The following SMAGP variants were observed in gnomAD, a reference collection of about 807,000 sequenced individuals.
SMAGP encodes the protein small cell adhesion glycoprotein.
Under a neutral mutation model 10.1 loss-of-function variants are expected in SMAGP, and 7 were observed. The ratio of observed to expected loss-of-function variants is 0.70; its 90% CI spans 0.40 to 1.31. The LOEUF (loss-of-function observed/expected upper bound fraction) is 1.31, where lower values mean the gene tolerates loss of function less well. Ranked by LOEUF, SMAGP falls within the 50% of genes most tolerant of loss-of-function variation. The pLI, the probability that SMAGP is intolerant of heterozygous loss-of-function variation, is 0.01. For missense variants in SMAGP, 113 were observed against 116.5 expected, an observed-to-expected ratio of 0.97 and a Z score of 0.14; for synonymous variants, 49 against 47.2, an observed-to-expected ratio of 1.04 and a Z score of -0.16.
In SMAGP at chr12:51,264,752, T is replaced by C. The variant is rs529960983; in HGVS notation, c.34+4493A>G. Among the ~76,000 whole-genome samples the C allele has an allele frequency of 8.0e-4, 121 of 150,568 alleles. No homozygotes were observed. In the South Asian group the frequency reaches 0.012, roughly 15 times the overall value. On this transcript the variant is annotated intron_variant, in intron 2 of 3. Transcript: ENST00000603798. ...TTTGAGACCAGCCTGGGCAACATGG[T>C]GAAACCCCGTCTCTACTAAAATACA...
At chr12:51,254,493 G>C (rs898268844) in intron 2 of SMAGP, among the ~76,000 whole-genome samples, 1 of 152,110 alleles carries the variant, frequency 6.6e-6, no homozygotes, top group Non-Finnish European at 1.5e-5. Context: ...GCTGCAGTGA[G>C]CCGAGATTGC....
intron 2 of SMAGP, among the ~76,000 whole-genome samples, chr12:51,261,932 TAAAA>T (rs142814908): frequency 8.9e-5 from 13 of 146,080 alleles, no homozygotes; most frequent in Admixed American, 1.4e-4. Flanking sequence ...CATCTTTGTT[TAAAA>T]AAAAAAAAAA....
intron 2 of SMAGP, among the ~76,000 whole-genome samples, chr12:51,248,430 ACACACTCTCTCTCTCTCTCTCTCTCT>A (rs1229889541): frequency 2.3e-4 from 21 of 91,480 alleles, no homozygotes; most frequent in Non-Finnish European, 2.9e-4. Context: ...ACACACACAC[ACACACTCTCTCTCTCTCTCTCTCTCT>A]CTCTCTCTCT....
chr12:51,262,663 C>A (rs546819625), intron 2 of SMAGP, among the ~76,000 whole-genome samples: 2 of 152,156 alleles, frequency 1.3e-5, no homozygotes, highest in Non-Finnish European at 2.9e-5. Context: ...TGCTCAGGTT[C>A]ATAAGATTGA....
chr12:51,254,334 G>A (rs142164326), intron 2 of SMAGP, among the ~76,000 whole-genome samples: 1,754 of 152,192 alleles, frequency 0.012, 6 homozygotes, highest in Non-Finnish European at 0.018. Context: ...GGATCATGAG[G>A]TCAGGAGTTT....
At position 51,245,194 on chromosome 12, in the gene SMAGP, C is replaced by T. The variant is rs1944750259; in HGVS notation, c.*747G>A. The T allele has an allele frequency of 6.6e-6, 1 of 152,108 alleles. No homozygotes were observed. Among genetic ancestry groups the T allele is most frequent in the African/African-American group, 2.4e-5 (1 of 41,410 alleles). The allele number at this position is 152,108 out of a possible 1,614,324, so 9.4% of individuals were successfully genotyped here. ...TTCCTGCACCATCTTTGTCTCAAATCCCTGAGATAGTTCTGCAAACTTCTA... is the reference window on the plus strand; with the variant it reads ...TTCCTGCACCATCTTTGTCTCAAATTCCTGAGATAGTTCTGCAAACTTCTA... On this transcript the variant is annotated 3_prime_UTR_variant, in exon 4 of 4. Coordinates refer to ENST00000603798, the MANE Select transcript of SMAGP (RefSeq NM_001031628.2).
chr12:51,254,689 G>A (rs923641333), intron 2 of SMAGP, among the ~76,000 whole-genome samples: 3 of 152,252 alleles, frequency 2.0e-5, no homozygotes, highest in Admixed American at 1.3e-4. Flanking sequence ...AAGGTTGTCA[G>A]GGGAAGCTTT....
intron 2 of SMAGP, among the ~76,000 whole-genome samples, chr12:51,263,111 G>T (rs1473232353): frequency 6.6e-6 from 1 of 152,030 alleles, no homozygotes; most frequent in Non-Finnish European, 1.5e-5. Flanking sequence ...AAAATTTAAC[G>T]GTGACTCATG....
At chr12:51,258,661 C>T (rs1944906163) in intron 2 of SMAGP, among the ~76,000 whole-genome samples, 1 of 151,516 alleles carries the variant, frequency 6.6e-6, no homozygotes, top group African/African-American at 2.4e-5. Context: ...AGAAATACAG[C>T]CTGGCTATAA....
At chr12:51,267,674 T>C (rs1049888476) in intron 2 of SMAGP, among the ~76,000 whole-genome samples, 11 of 152,040 alleles carry the variant, frequency 7.2e-5, no homozygotes, top group Non-Finnish European at 1.6e-4. Context: ...TTAAATTTTT[T>C]TGTAGAGATG....
At chr12:51,258,670 A>G (rs1168206427) in intron 2 of SMAGP, among the ~76,000 whole-genome samples, 1 of 152,028 alleles carries the variant, frequency 6.6e-6, no homozygotes, top group African/African-American at 2.4e-5. Context: ...GCCTGGCTAT[A>G]AGGCCTAAGT....
intron 2 of SMAGP, among the ~76,000 whole-genome samples, chr12:51,247,623 T>C (rs984243957): frequency 1.2e-4 from 18 of 152,186 alleles, no homozygotes; most frequent in African/African-American, 4.3e-4. Flanking sequence ...CCTTCCATTC[T>C]TTCCTATTAG....
Position 51,268,513 on chromosome 12 carries a change from C to CAGATGA in SMAGP, c.34+726_34+731dup, listed in dbSNP as rs1944996655. On this transcript the variant is annotated intron_variant, in intron 2 of 3. Coordinates refer to ENST00000603798, the MANE Select transcript of SMAGP (RefSeq NM_001031628.2). ...TTTGCCATAGCTATAAATTATTAGACAGATGAATGTAAAGCCCTTCCTTTA... is the reference window on the plus strand; with the variant it reads ...TTTGCCATAGCTATAAATTATTAGACAGATGAAGATGAATGTAAAGCCCTTCCTTTA... Among the ~76,000 whole-genome samples the CAGATGA allele has an allele frequency of 4.6e-5, 7 of 152,098 alleles. No homozygotes were observed. The South Asian group carries it at 1.4e-3, about 31-fold the overall frequency.
chr12:51,265,305 G>A (rs1407805110), intron 2 of SMAGP, among the ~76,000 whole-genome samples: 4 of 152,112 alleles, frequency 2.6e-5, no homozygotes, highest in African/African-American at 7.2e-5. Context: ...AAACCTATAT[G>A]GTGGATCCTC....
At chr12:51,265,917 C>G (rs938844163) in intron 2 of SMAGP, among the ~76,000 whole-genome samples, 1 of 152,070 alleles carries the variant, frequency 6.6e-6, no homozygotes, top group Non-Finnish European at 1.5e-5. Context: ...CCCGTCTCTA[C>G]TAAAAATACA....
rs368165440 is a variant in SMAGP, at chr12:51,245,904, T to C, written c.*37A>G. 6.9e-6 allele frequency: 11 copies of C among 1,590,658 alleles called. No homozygotes were observed. The highest frequency in any genetic ancestry group is 8.6e-6 in the Non-Finnish European group (10 of 1,165,458). On this transcript the variant is annotated 3_prime_UTR_variant, in exon 4 of 4. Transcript: ENST00000603798. ...TAATAAGCAGTCAACGTGTTAGCGA[T>C]GGAGCCAGGAATAAGCTCCTTGGGG... is the stretch of plus-strand genomic sequence containing the variant.
At chr12:51,269,050 T>C (rs936912129) in intron 2 of SMAGP, among the ~76,000 whole-genome samples, 195 bp downstream of exon 2, 1 of 152,230 alleles carries the variant, frequency 6.6e-6, no homozygotes, top group Non-Finnish European at 1.5e-5. Context: ...GAAGTCACCA[T>C]GTCCATGTGA....
intron 2 of SMAGP, among the ~76,000 whole-genome samples, chr12:51,247,940 C>G (rs1944794166): frequency 1.3e-5 from 2 of 152,288 alleles, no homozygotes; most frequent in South Asian, 4.1e-4. Flanking sequence ...GAAGCGACCC[C>G]CCAAGGGAGG....
chr12:51,263,973 G>T (rs1944951170), intron 2 of SMAGP, among the ~76,000 whole-genome samples: 1 of 151,982 alleles, frequency 6.6e-6, no homozygotes. Flanking sequence ...TCCTTACACT[G>T]ATGCAGTTGT....
Sources: allele counts gnomAD v4.1 joint callset (sites outside exome capture counted in the v4.1 genomes callset), GRCh38; gene constraint gnomAD v4.1.1; transcripts MANE v1.5; gene names NCBI Gene and HGNC (gene_info 2026-07-23, HGNC 2026-07-21).